The following TMEM51 variants were observed in gnomAD, a reference collection of about 807,000 sequenced individuals.
TMEM51 encodes the protein chromosome 1 open reading frame 72.
TMEM51 carries 8 observed loss-of-function variants against 13.6 expected under a neutral mutation model. The ratio of observed to expected loss-of-function variants is 0.59; its 90% confidence interval spans 0.35 to 1.07. The LOEUF is 1.07. TMEM51 is among the 50% of genes least tolerant of loss of function. The pLI, the probability that TMEM51 is intolerant of heterozygous loss-of-function variation, is 0.02. For missense variants in TMEM51, 279 were observed against 330.7 expected (o/e 0.84, Z 1.21); for synonymous variants, 147 against 144.4 (o/e 1.02, Z -0.13).
At chr1:15,201,293 T>C (rs1170276474) in intron 1 of TMEM51, among the ~76,000 whole-genome samples, 1 of 152,000 alleles carries the variant, frequency 6.6e-6, no homozygotes, top group African/African-American at 2.4e-5. Flanking sequence ...GTAAATAATA[T>C]TCGTAATAGG....
chr1:15,200,431 A>AAAG (rs1491142333), intron 1 of TMEM51, among the ~76,000 whole-genome samples: 92 of 125,264 alleles, frequency 7.3e-4, no homozygotes, highest in African/African-American at 1.8e-3. Flanking sequence ...AAAAAAAAAA[A>AAAG]AGAGAGAGAT....
Position 15,161,437 on chromosome 1 carries a change from A to G in TMEM51, c.-267+7483A>G, listed in dbSNP as rs1573370627. 2.0e-5 allele frequency among the ~76,000 whole-genome samples: 3 copies of G among 152,090 alleles called. No individual in the cohort carries two copies. Among genetic ancestry groups the G allele is most frequent in the Admixed American group, 2.0e-4 (3 of 15,294 alleles). On this transcript the variant is annotated intron_variant, in intron 1 of 3. Transcript: ENST00000376008. This position sits in a 1 kb window ranked among gnomAD's most constrained non-coding sequence, Gnocchi z 4.0. ...CAGGAATCGCTTGAACCTGGAAAGC[A>G]GAGGTTGCAGTGAGCCGAGATCGTG... is the stretch of plus-strand genomic sequence containing the variant.
intron 1 of TMEM51, among the ~76,000 whole-genome samples, chr1:15,167,839 C>G (rs1643080769): frequency 6.6e-6 from 1 of 152,190 alleles, no homozygotes; most frequent in Non-Finnish European, 1.5e-5. Context: ...CTCTCCCTTT[C>G]CCATATCACA....
At chr1:15,171,595 C>T (rs1643277144) in intron 1 of TMEM51, among the ~76,000 whole-genome samples, 3 of 152,162 alleles carry the variant, frequency 2.0e-5, no homozygotes, top group Admixed American at 6.5e-5. Flanking sequence ...CTGGAACCCA[C>T]GGGGCTGTCT....
intron 1 of TMEM51, among the ~76,000 whole-genome samples, chr1:15,155,699 A>G (rs1202333116): frequency 6.6e-6 from 1 of 151,952 alleles, no homozygotes; most frequent in East Asian, 1.9e-4. Context: ...CAGGCAGTGG[A>G]GGGTGTGGAA....
chr1:15,154,234 G>C (rs1557826066), intron 1 of TMEM51, among the ~76,000 whole-genome samples: 1 of 152,232 alleles, frequency 6.6e-6, no homozygotes, highest in East Asian at 1.9e-4. Context: ...CCCCCTGTTG[G>C]CGGGAACAGG....
In TMEM51 at chr1:15,186,351, G is replaced by A. The variant is rs151037556; in HGVS notation, c.-266-24139G>A. 3.3e-5 allele frequency among the ~76,000 whole-genome samples: 5 copies of A among 152,360 alleles called. No individual in the cohort carries two copies. The East Asian group carries it at 9.6e-4, about 29-fold the overall frequency. On this transcript the variant is annotated intron_variant, in intron 1 of 3. Coordinates refer to ENST00000376008, the MANE Select transcript of TMEM51 (RefSeq NM_001136218.2). ...CAGGAAAGACGGGGAAGGAAGCCTG[G>A]TGGGTACAGTGAGGAATAACAGTCT...
At chr1:15,200,218 C>T (rs1644127729) in intron 1 of TMEM51, among the ~76,000 whole-genome samples, 1 of 151,976 alleles carries the variant, frequency 6.6e-6, no homozygotes, top group African/African-American at 2.4e-5. Context: ...GATTTCAAGA[C>T]CAGCCTGGGC....
At position 15,161,914 on chromosome 1, in the gene TMEM51, C is replaced by G. The variant is rs1027345974; in HGVS notation, c.-267+7960C>G. 1.3e-5 allele frequency among the ~76,000 whole-genome samples: 2 copies of G among 151,966 alleles called. No homozygotes were observed. Among genetic ancestry groups the G allele is most frequent in the Admixed American group, 1.3e-4 (2 of 15,278 alleles). ...ACTGCACTCCAGCCTAGCGACAGAG[C>G]AAGACTCCATCTCAAAAAAAGAGAG... On this transcript the variant is annotated intron_variant, in intron 1 of 3. Coordinates refer to ENST00000376008, the MANE Select transcript of TMEM51 (RefSeq NM_001136218.2). The surrounding 1 kb of genome is among the most constrained non-coding windows in gnomAD (Gnocchi z 4.0).
intron 1 of TMEM51, among the ~76,000 whole-genome samples, chr1:15,173,193 G>A (rs1643348486): frequency 6.7e-6 from 1 of 149,864 alleles, no homozygotes; most frequent in African/African-American, 2.5e-5. Flanking sequence ...TTAGGAATCT[G>A]GGGTTTAACC....
chr1:15,219,836 A>G lies in TMEM51; in HGVS notation c.*93A>G. On this transcript the variant is annotated 3_prime_UTR_variant, in exon 4 of 4. Coordinates refer to ENST00000376008, the MANE Select transcript of TMEM51 (RefSeq NM_001136218.2). ...CACATGAGCCACAGTTGAGAAGCGG[A>G]GGGGCCAGCTGTGCATGGAGCCATT... 7.0e-7 allele frequency: 1 copy of G among 1,432,638 alleles called. No individual in the cohort carries two copies. The highest frequency in any genetic ancestry group is 1.3e-5 in the South Asian group (1 of 75,222). 88.7% of individuals were successfully genotyped at this position (1,432,638 alleles called of 1,614,324 possible).
At chr1:15,190,389 C>T (rs778915812) in intron 1 of TMEM51, among the ~76,000 whole-genome samples, 12 of 152,136 alleles carry the variant, frequency 7.9e-5, no homozygotes, top group East Asian at 1.9e-4. Context: ...AAAAATGAAA[C>T]GCCCTCTGAT....
chr1:15,163,640 T>TTTTTTTTTTTTGAGACAG (rs1553197697), intron 1 of TMEM51, among the ~76,000 whole-genome samples: 122 of 150,322 alleles, frequency 8.1e-4, no homozygotes, highest in South Asian at 1.7e-3. Context: ...TTATTTTTTG[T>TTTTTTTTTTTTGAGACAG]AATAATAGCA....
intron 1 of TMEM51, among the ~76,000 whole-genome samples, chr1:15,169,922 T>A (rs1335865816): frequency 6.6e-6 from 1 of 152,264 alleles, no homozygotes; most frequent in Non-Finnish European, 1.5e-5. Flanking sequence ...CCTTTCTCCC[T>A]GTCTTCTCTT....
intron 1 of TMEM51, among the ~76,000 whole-genome samples, chr1:15,204,273 GC>G (rs1334139110): frequency 2.0e-5 from 3 of 152,246 alleles, no homozygotes; most frequent in Non-Finnish European, 4.4e-5. Context: ...GTCCACCTAG[GC>G]TGGGTGAGGT....
intron 1 of TMEM51, among the ~76,000 whole-genome samples, chr1:15,171,578 G>T (rs962721874): frequency 6.6e-6 from 1 of 152,126 alleles, no homozygotes; most frequent in African/African-American, 2.4e-5. Context: ...GGACAGGCTC[G>T]AATGTGCTGG....
intron 1 of TMEM51, among the ~76,000 whole-genome samples, chr1:15,197,592 TACTGAATCACTC>T (rs1557850134): frequency 6.6e-6 from 1 of 152,174 alleles, no homozygotes. Context: ...AAAAGCCCCG[TACTGAATCACTC>T]ACCTCATTCC....
Position 15,192,445 on chromosome 1 carries a change from T to TTC in TMEM51, c.-266-18045_-266-18044insTC, listed in dbSNP as rs1557847080. The TTC allele has an allele frequency of 9.7e-4, 210 of 217,472 alleles. 6 individuals are homozygous for TTC. The highest frequency in any genetic ancestry group is 7.9e-3 in the South Asian group (180 of 22,856). 13.5% of individuals were successfully genotyped at this position (217,472 alleles called of 1,614,324 possible). On this transcript the variant is annotated intron_variant, in intron 1 of 3. Coordinates refer to ENST00000376008, the MANE Select transcript of TMEM51 (RefSeq NM_001136218.2). ...GTGCTACTTTTTTTCTTTCTTTCTT[T>TTC]CTTTCTTTTCTTTTCCTTTTTTTTT...
intron 3 of TMEM51, among the ~76,000 whole-genome samples, chr1:15,217,762 A>T (rs1411847381): frequency 6.6e-6 from 1 of 152,134 alleles, no homozygotes; most frequent in Non-Finnish European, 1.5e-5. Flanking sequence ...TAGGGCCTCC[A>T]TGGGTTGGAT....
Sources: gnomAD v4.1 joint callset for allele counts (sites outside exome capture counted in the v4.1 genomes callset) on GRCh38, gnomAD v4.1.1 for gene constraint, Gnocchi (gnomAD v3.1) non-coding constraint, MANE v1.5 for transcripts, NCBI Gene and HGNC (gene_info 2026-07-23, HGNC 2026-07-21) for gene names.